Variants in TNFRSF10D observed in about 807,000 individuals in gnomAD.
The protein encoded by TNFRSF10D is TNF receptor superfamily member 10d, also known as tumor necrosis factor receptor superfamily member 10D.
TNFRSF10D carries 28 observed loss-of-function variants against 42.1 expected under a neutral mutation model. That is an observed-to-expected ratio of 0.66 (90% CI 0.49 to 0.91). The LOEUF (loss-of-function observed/expected upper bound fraction) is 0.91, where lower values mean the gene tolerates loss of function less well. Among genes scored for constraint, TNFRSF10D ranks in the 40% least tolerant of loss-of-function variants. The pLI is 0.00. For missense variants in TNFRSF10D, 503 were observed against 486.1 expected (o/e 1.03, Z -0.33); for synonymous variants, 186 against 189.4 (o/e 0.98, Z 0.15).
intron 4 of TNFRSF10D, among the ~76,000 whole-genome samples, chr8:23,146,488 C>T (rs1349873208): frequency 6.6e-6 from 1 of 152,176 alleles, no homozygotes; most frequent in Non-Finnish European, 1.5e-5. Context: ...GGGAGCTCCA[C>T]CCATGGCCTT....
chr8:23,153,603 C>T (rs973702377), intron 2 of TNFRSF10D, among the ~76,000 whole-genome samples: 3 of 151,728 alleles, frequency 2.0e-5, no homozygotes, highest in East Asian at 1.9e-4. Flanking sequence ...TAGAAGTGGC[C>T]GACAGGTATA....
intron 2 of TNFRSF10D, among the ~76,000 whole-genome samples, chr8:23,150,067 C>T (rs915474345): frequency 2.0e-5 from 3 of 152,174 alleles, no homozygotes; most frequent in African/African-American, 4.8e-5. Flanking sequence ...ATGATAAAGG[C>T]ATGATAAGCT....
At chr8:23,138,616 G>T (rs1352877614) in intron 7 of TNFRSF10D, among the ~76,000 whole-genome samples, 2 of 151,776 alleles carry the variant, frequency 1.3e-5, no homozygotes, top group African/African-American at 4.8e-5. Context: ...CTTCCTTCCA[G>T]AATTCTTACC....
In TNFRSF10D at chr8:23,138,181, CACTT is replaced by C. The variant is rs1205659991; in HGVS notation, c.1027+3_1027+6del. ...TCCTGCTGCGTCTCAAGGCACAAAA[CACTT>C]ACTGTCAGCGGAGTCAGCGTCATTC... On this transcript the variant is annotated splice_donor_5th_base_variant and intron_variant, in intron 8 of 8. Coordinates refer to ENST00000312584, the MANE Select transcript of TNFRSF10D (RefSeq NM_003840.5). 8.1e-6 allele frequency: 13 copies of C among 1,614,112 alleles called. No individual in the cohort carries two copies. The African/African-American group carries it at 1.3e-4, about 17-fold the overall frequency.
Position 23,136,076 on chromosome 8 carries a change from C to T in TNFRSF10D, c.*1794G>A, listed in dbSNP as rs573746265. The T allele has an allele frequency of 3.2e-5, 12 of 374,672 alleles. No individual in the cohort carries two copies. Among genetic ancestry groups the T allele is most frequent in the African/African-American group, 2.5e-4 (12 of 48,130 alleles). 23.2% of individuals were successfully genotyped at this position (374,672 alleles called of 1,614,324 possible). A position where few individuals can be genotyped will look rare whatever the true frequency, so the allele number is the denominator to read the frequency against. ...ACTTCAGGCAGTTCTAACTTTGTCCCAGCCAAACCAGTCCCGGAACAAAAC... is the reference window on the plus strand; with the variant it reads ...ACTTCAGGCAGTTCTAACTTTGTCCTAGCCAAACCAGTCCCGGAACAAAAC... On this transcript the variant is annotated 3_prime_UTR_variant, in exon 9 of 9. Coordinates refer to ENST00000312584, the MANE Select transcript of TNFRSF10D (RefSeq NM_003840.5).
At chr8:23,154,758 G>T in intron 2 of TNFRSF10D, 116 bp downstream of exon 2, 1 of 1,143,972 alleles carries the variant, frequency 8.7e-7, no homozygotes, top group South Asian at 1.4e-5. Context: ...GAATTAGCTT[G>T]ATTTAGCCAT....
At chr8:23,147,237 T>A (rs1245634593) in intron 3 of TNFRSF10D, among the ~76,000 whole-genome samples, 165 bp from the exon 4 acceptor site, 1 of 152,060 alleles carries the variant, frequency 6.6e-6, no homozygotes, top group Admixed American at 6.5e-5. Context: ...ACACCCACCC[T>A]GTATGTAAGG....
Position 23,137,741 on chromosome 8 carries a change from A to G in TNFRSF10D, c.*129T>C. The G allele has an allele frequency of 7.9e-7, 1 of 1,257,944 alleles. No individual in the cohort carries two copies. Among genetic ancestry groups the G allele is most frequent in the Non-Finnish European group, 1.1e-6 (1 of 914,180 alleles). 77.9% of individuals were successfully genotyped at this position (1,257,944 alleles called of 1,614,324 possible). ...TAACAAAGTTCTAGGACCATTGGTA[A>G]GCTGCCCCATATTGGATAGTAGAGT... On this transcript the variant is annotated 3_prime_UTR_variant, in exon 9 of 9. Transcript: ENST00000312584.
chr8:23,139,023 GA>G (rs1814396452), intron 7 of TNFRSF10D, among the ~76,000 whole-genome samples: 1 of 151,786 alleles, frequency 6.6e-6, no homozygotes, highest in Admixed American at 6.6e-5. Context: ...AATGAGGCAA[GA>G]CTTTTGGAAG....
intron 1 of TNFRSF10D, among the ~76,000 whole-genome samples, chr8:23,161,498 T>G (rs72609906): frequency 5.1e-3 from 780 of 152,080 alleles, no homozygotes; most frequent in African/African-American, 0.016. Flanking sequence ...CTTATCTCCA[T>G]TTACAGGCGT....
chr8:23,149,388 C>T (rs757475044), intron 2 of TNFRSF10D, among the ~76,000 whole-genome samples: 6 of 151,270 alleles, frequency 4.0e-5, no homozygotes, highest in Non-Finnish European at 8.8e-5. Context: ...CAGGCACCCA[C>T]CACCACGCCC....
chr8:23,138,595 A>G (rs116820095), intron 7 of TNFRSF10D, among the ~76,000 whole-genome samples: 919 of 152,196 alleles, frequency 6.0e-3, no homozygotes, highest in African/African-American at 0.019. Context: ...CACCCTCACA[A>G]GAAATGATCA....
chr8:23,153,807 T>C (rs1800238633), intron 2 of TNFRSF10D, among the ~76,000 whole-genome samples: 1 of 152,174 alleles, frequency 6.6e-6, no homozygotes, highest in South Asian at 2.1e-4. Flanking sequence ...TGGAAAACAG[T>C]ATGGAGGTTC....
intron 7 of TNFRSF10D, among the ~76,000 whole-genome samples, chr8:23,142,874 T>A (rs1158522302): frequency 6.6e-6 from 1 of 152,198 alleles, no homozygotes; most frequent in Non-Finnish European, 1.5e-5. Context: ...CTACAAAGAA[T>A]CACAAGAAAT....
chr8:23,146,817 A>G (rs1800126924), intron 4 of TNFRSF10D, 144 bp downstream of exon 4: 1 of 669,390 alleles, frequency 1.5e-6, no homozygotes, highest in Non-Finnish European at 2.6e-6. Flanking sequence ...AGGAGGGGCC[A>G]ACGCAGGCTC....
chr8:23,145,746 C>T lies in TNFRSF10D; in HGVS notation c.658G>A (p.Val220Ile), dbSNP rs1800110237. ...YHYLIIIVVL[V>I]IILAVVVVGF... ...ACCACAACCACAGCTAAAATGATGACTAAAACCACTATGATGATAAGGTAG... is the reference window on the plus strand; with the variant it reads ...ACCACAACCACAGCTAAAATGATGATTAAAACCACTATGATGATAAGGTAG... The change falls in exon 5 of 9, where the codon GTC becomes ATC. Residue 220 changes from valine to isoleucine, a missense_variant. Coordinates refer to ENST00000312584, the MANE Select transcript of TNFRSF10D (RefSeq NM_003840.5). 1 of 1,612,284 alleles carries T rather than the reference C, an allele frequency of 6.2e-7. No homozygotes were observed. Among genetic ancestry groups the T allele is most frequent in the African/African-American group, 1.4e-5 (1 of 73,414 alleles).
At chr8:23,161,534 C>A (rs911438106) in intron 1 of TNFRSF10D, among the ~76,000 whole-genome samples, 3 of 152,206 alleles carry the variant, frequency 2.0e-5, no homozygotes, top group African/African-American at 7.2e-5. Context: ...CTGGCCCCAG[C>A]TGACCACGGT....
At chr8:23,154,064 TGTGACAGC>T (rs1800242736) in intron 2 of TNFRSF10D, among the ~76,000 whole-genome samples, 1 of 152,206 alleles carries the variant, frequency 6.6e-6, no homozygotes, top group Non-Finnish European at 1.5e-5. Flanking sequence ...TTCTGTCATT[TGTGACAGC>T]ATGGATGAAC....
chr8:23,158,712 C>A (rs1800317055), intron 1 of TNFRSF10D, among the ~76,000 whole-genome samples: 1 of 152,150 alleles, frequency 6.6e-6, no homozygotes, highest in East Asian at 1.9e-4. Flanking sequence ...TTTATGCATA[C>A]CTATTTCCAT....
Sources: gnomAD v4.1 joint callset for allele counts (sites outside exome capture counted in the v4.1 genomes callset) on GRCh38, gnomAD v4.1.1 for gene constraint, MANE v1.5 for transcripts, NCBI Gene and HGNC (gene_info 2026-07-23, HGNC 2026-07-21) for gene names.